PCDHGB2: variants seen among roughly 807,000 people sequenced by gnomAD.
PCDHGB2 encodes the protein protocadherin gamma-B2.
Under a neutral mutation model 59.3 loss-of-function variants are expected in PCDHGB2, and 55 were observed. That is an observed-to-expected ratio of 0.93 (90% CI 0.75 to 1.16). PCDHGB2 has a LOEUF of 1.16. Among genes scored for constraint, PCDHGB2 ranks in the 50% most tolerant of loss-of-function variants. The probability of loss-of-function intolerance (pLI) is 0.00; values close to 1 mark genes in which losing one functional copy is unlikely to be tolerated. For missense variants in PCDHGB2, 1,228 were observed against 1,198.5 expected, an observed-to-expected ratio of 1.02 and a Z score of -0.36; for synonymous variants, 516 against 512.0, an observed-to-expected ratio of 1.01 and a Z score of -0.11.
chr5:141,362,509 AATC>A lies in PCDHGB2; in HGVS notation c.2377_2379del (p.His793del), dbSNP rs1561527217. ...CAATGCCTCTTGGGAACAAAATACAAATCATGGAGCCGCTGGGGTCCCTTTTGC... is the reference window on the plus strand; with the variant it reads ...CAATGCCTCTTGGGAACAAAATACAAATGGAGCCGCTGGGGTCCCTTTTGC... On this transcript the variant is annotated inframe_deletion, in exon 1 of 4. Coordinates refer to ENST00000522605, the MANE Select transcript of PCDHGB2 (RefSeq NM_018923.3). The A allele has an allele frequency of 5.0e-6, 8 of 1,613,920 alleles. No homozygotes were observed. The South Asian group carries it at 7.7e-5, about 16-fold the overall frequency.
intron 1 of PCDHGB2, chr5:141,433,358 CCTAT>C (rs3074541): frequency 0.23 from 113,181 of 502,952 alleles, 11,570 homozygotes; most frequent in Non-Finnish European, 0.24. Flanking sequence ...CTACTGTCTG[CCTAT>C]CTATCTATCT....
In PCDHGB2 at chr5:141,361,590, C is replaced by T; in HGVS notation, c.1455C>T (p.Gly485=). 1 of 1,614,036 alleles carries T rather than the reference C, an allele frequency of 6.2e-7. No individual in the cohort carries two copies. The highest frequency in any genetic ancestry group is 8.5e-7 in the Non-Finnish European group (1 of 1,179,904). The part of the protein sequence containing the change: ...SASDPDLGPS[G]QVSYSIVASD... ...CTGACCCTGACTTGGGCCCCAGTGG[C>T]CAAGTTTCCTACTCCATCGTAGCGA... is the stretch of plus-strand genomic sequence containing the variant. The change falls in exon 1 of 4, where the codon GGC becomes GGT. Residue 485 remains glycine (G), a synonymous_variant. Coordinates refer to ENST00000522605, the MANE Select transcript of PCDHGB2 (RefSeq NM_018923.3).
chr5:141,375,005 G>T, intron 1 of PCDHGB2: 2 of 1,614,010 alleles, frequency 1.2e-6, no homozygotes, highest in Non-Finnish European at 1.7e-6. Flanking sequence ...TGCAAATCTA[G>T]ACTATGAGGA....
chr5:141,450,817 A>G, intron 1 of PCDHGB2, among the ~76,000 whole-genome samples: 1 of 137,534 alleles, frequency 7.3e-6, no homozygotes, highest in East Asian at 2.1e-4. Context: ...TTTATTTAAT[A>G]TTATTATTAT....
intron 3 of PCDHGB2, among the ~76,000 whole-genome samples, chr5:141,507,713 C>T (rs2099862763): frequency 6.6e-6 from 1 of 152,234 alleles, no homozygotes; most frequent in Non-Finnish European, 1.5e-5. Flanking sequence ...GGCCCCAAAC[C>T]CTCCAAGCAA....
At chr5:141,415,438 C>A in intron 1 of PCDHGB2, 1 of 1,614,218 alleles carries the variant, frequency 6.2e-7, no homozygotes, top group South Asian at 1.1e-5. Flanking sequence ...GGCTTTCCTG[C>A]AGACCTATTC....
intron 1 of PCDHGB2, among the ~76,000 whole-genome samples, chr5:141,457,920 C>T (rs1340816332): frequency 6.6e-6 from 1 of 150,868 alleles, no homozygotes; most frequent in Non-Finnish European, 1.5e-5. Flanking sequence ...GCCAGTTCTC[C>T]CCAAGGGGCT....
intron 1 of PCDHGB2, among the ~76,000 whole-genome samples, chr5:141,444,733 G>A (rs1464370133): frequency 6.6e-6 from 1 of 152,106 alleles, no homozygotes; most frequent in Non-Finnish European, 1.5e-5. Flanking sequence ...TTTGTTGAAA[G>A]TCATTTCACT....
At chr5:141,448,710 G>T (rs897054829) in intron 1 of PCDHGB2, among the ~76,000 whole-genome samples, 1 of 152,162 alleles carries the variant, frequency 6.6e-6, no homozygotes, top group Non-Finnish European at 1.5e-5. Flanking sequence ...GGAGGCCGAG[G>T]CGGGAGGATC....
intron 1 of PCDHGB2, among the ~76,000 whole-genome samples, chr5:141,455,428 GA>G (rs2098822635): frequency 6.6e-6 from 1 of 152,176 alleles, no homozygotes; most frequent in Non-Finnish European, 1.5e-5. Context: ...GGCTCCAAAA[GA>G]GGAGGTCCCC....
At position 141,491,651 on chromosome 5, in the gene PCDHGB2, A is replaced by G. The variant is rs1379494110; in HGVS notation, c.2422-3156A>G. 1.9e-6 allele frequency: 3 copies of G among 1,613,796 alleles called. 1 individual carries two copies. ...CAGCAGCCCACAGCTCTGGCGCTGGAGCCTGACGCCATCCGGTCCCGCTCT... is the reference window on the plus strand; with the variant it reads ...CAGCAGCCCACAGCTCTGGCGCTGGGGCCTGACGCCATCCGGTCCCGCTCT... On this transcript the variant is annotated intron_variant, in intron 1 of 3. Coordinates refer to ENST00000522605, the MANE Select transcript of PCDHGB2 (RefSeq NM_018923.3). The surrounding 1 kb of genome is among the most constrained non-coding windows in gnomAD (Gnocchi z 6.9).
At chr5:141,401,368 A>G (rs2094146364) in intron 1 of PCDHGB2, among the ~76,000 whole-genome samples, 3 of 152,186 alleles carry the variant, frequency 2.0e-5, no homozygotes, top group Admixed American at 2.0e-4. Flanking sequence ...GAAGGAGAGG[A>G]AGAAGAAGAA....
chr5:141,438,054 T>C (rs1451843979), intron 1 of PCDHGB2, among the ~76,000 whole-genome samples: 2 of 152,182 alleles, frequency 1.3e-5, no homozygotes, highest in African/African-American at 4.8e-5. Flanking sequence ...TTGAGTTCAC[T>C]TTTAAGAAAC....
chr5:141,372,048 G>C (rs1331862731), intron 1 of PCDHGB2: 1 of 1,613,392 alleles, frequency 6.2e-7, no homozygotes, highest in African/African-American at 1.3e-5. Flanking sequence ...GCGCGTGTTG[G>C]TGGACGACCG....
rs899154780 is a variant in PCDHGB2, at chr5:141,402,932, A to C, written c.2421+40376A>C. ...AGCGCGCACAGAGATCCTTTTGAGAAAATTCCAAAGCGAGGCAGCAATGGC... is the reference window on the plus strand; with the variant it reads ...AGCGCGCACAGAGATCCTTTTGAGACAATTCCAAAGCGAGGCAGCAATGGC... On this transcript the variant is annotated intron_variant, in intron 1 of 3. Coordinates refer to ENST00000522605, the MANE Select transcript of PCDHGB2 (RefSeq NM_018923.3). 3 of 1,584,974 alleles carry C rather than the reference A, an allele frequency of 1.9e-6. No individual in the cohort carries two copies. In the Admixed American group the frequency reaches 5.4e-5, roughly 29 times the overall value.
intron 2 of PCDHGB2, among the ~76,000 whole-genome samples, chr5:141,502,358 TA>T (rs1283802909): frequency 6.6e-6 from 1 of 152,134 alleles, no homozygotes; most frequent in African/African-American, 2.4e-5. Context: ...ATGACATGGA[TA>T]TTTTTAAAGA....
chr5:141,381,820 C>CTTTCTTTCTTTCTTTCTTTCT (rs1279410534), intron 1 of PCDHGB2, among the ~76,000 whole-genome samples: 8 of 119,916 alleles, frequency 6.7e-5, no homozygotes, highest in African/African-American at 2.7e-4. Flanking sequence ...TTCTTTCTTT[C>CTTTCTTTCTTTCTTTCTTTCT]TTCTTCTTTT....
intron 1 of PCDHGB2, chr5:141,408,653 C>T (rs1589679123): frequency 6.2e-7 from 1 of 1,613,982 alleles, no homozygotes; most frequent in African/African-American, 1.3e-5. Context: ...CGCTGGTACA[C>T]GACTATCGCT....
Position 141,395,079 on chromosome 5 carries a change from G to A in PCDHGB2, c.2421+32523G>A, listed in dbSNP as rs777930721. On this transcript the variant is annotated intron_variant, in intron 1 of 3. Coordinates refer to ENST00000522605, the MANE Select transcript of PCDHGB2 (RefSeq NM_018923.3). ...GGCTTTCCTGCAGACCTATTCCCAG[G>A]AAGTCTCCCTCACCGCCGACTCGCG... 4.0e-5 allele frequency: 65 copies of A among 1,614,024 alleles called. 1 individual carries two copies. In the Middle Eastern group the frequency reaches 6.6e-4, roughly 16 times the overall value.
Sources: gnomAD v4.1 joint callset for allele counts (sites outside exome capture counted in the v4.1 genomes callset) on GRCh38, gnomAD v4.1.1 for gene constraint, Gnocchi (gnomAD v3.1) non-coding constraint, MANE v1.5 for transcripts, NCBI Gene and HGNC (gene_info 2026-07-23, HGNC 2026-07-21) for gene names.